WWOX: variants seen among roughly 807,000 people sequenced by gnomAD.
WWOX encodes WW domain-containing oxidoreductase.
Under a neutral mutation model 46.2 loss-of-function variants are expected in WWOX, and 69 were observed. That is an observed-to-expected ratio of 1.49 (90% CI 1.23 to 1.82). The LOEUF is 1.82. Ranked by LOEUF, WWOX falls within the 40% of genes most tolerant of loss-of-function variation. The pLI is 0.00. For synonymous variants in WWOX, 359 were observed against 202.6 expected, an observed-to-expected ratio of 1.77 and a Z score of -6.56; for missense variants, 919 against 542.6, an observed-to-expected ratio of 1.69 and a Z score of -6.89.
At chr16:78,147,253 T>G (rs916094743) in intron 4 of WWOX, among the ~76,000 whole-genome samples, 5 of 152,134 alleles carry the variant, frequency 3.3e-5, no homozygotes, top group East Asian at 1.9e-4. Flanking sequence ...TGCTTTAAAG[T>G]TTTTTACATT....
intron 8 of WWOX, among the ~76,000 whole-genome samples, chr16:79,140,312 T>G (rs1392600514): frequency 6.6e-6 from 1 of 152,184 alleles, no homozygotes; most frequent in Non-Finnish European, 1.5e-5. Context: ...CTTGCTACAT[T>G]CTTAGGCAAG....
intron 8 of WWOX, among the ~76,000 whole-genome samples, chr16:79,087,176 C>T (rs2048869167): frequency 6.6e-6 from 1 of 152,174 alleles, no homozygotes; most frequent in Admixed American, 6.5e-5. Context: ...ATGGAACAGT[C>T]TGGGGGAAAT....
intron 6 of WWOX, among the ~76,000 whole-genome samples, chr16:78,415,060 CTATAA>C (rs922007504): frequency 1.4e-5 from 2 of 148,024 alleles, no homozygotes; most frequent in African/African-American, 4.9e-5. Flanking sequence ...TATTGATTAG[CTATAA>C]TATATTTTAA....
chr16:78,420,262 T>G (rs1296570570), intron 6 of WWOX, among the ~76,000 whole-genome samples: 1 of 152,138 alleles, frequency 6.6e-6, no homozygotes, highest in Non-Finnish European at 1.5e-5. Flanking sequence ...ATCCCACTCC[T>G]AGATGTATCT....
intron 8 of WWOX, among the ~76,000 whole-genome samples, chr16:78,838,842 CAAAAGAGAAG>C (rs902954967): frequency 1.1e-4 from 17 of 152,142 alleles, no homozygotes; most frequent in Admixed American, 2.6e-4. Flanking sequence ...TACTCCATCT[CAAAAGAGAAG>C]AAAAGAGAAG....
chr16:78,586,101 A>C (rs146560996), intron 8 of WWOX, among the ~76,000 whole-genome samples: 1 of 152,166 alleles, frequency 6.6e-6, no homozygotes, highest in African/African-American at 2.4e-5. Context: ...TTATACCTGT[A>C]ATCCCAACAC....
chr16:78,885,932 T>TTG (rs201649879), intron 8 of WWOX, among the ~76,000 whole-genome samples: 3,364 of 150,912 alleles, frequency 0.022, 68 homozygotes, highest in African/African-American at 0.039. Flanking sequence ...GAATTTTTTT[T>TTG]TTTTTTTTTT....
intron 6 of WWOX, among the ~76,000 whole-genome samples, chr16:78,420,778 A>G (rs899532736): frequency 5.9e-5 from 9 of 151,904 alleles, no homozygotes; most frequent in African/African-American, 1.9e-4. Context: ...TATGTGCATT[A>G]TATTTCAGTA....
At chr16:78,290,160 C>G (rs1440400517) in intron 5 of WWOX, among the ~76,000 whole-genome samples, 1 of 152,148 alleles carries the variant, frequency 6.6e-6, no homozygotes, top group Non-Finnish European at 1.5e-5. Flanking sequence ...GGTTTCTACA[C>G]TGGAAGTGTA....
chr16:78,450,911 A>G (rs577907085), intron 8 of WWOX, among the ~76,000 whole-genome samples: 2 of 152,274 alleles, frequency 1.3e-5, no homozygotes, highest in East Asian at 1.9e-4. Flanking sequence ...AAACAATACA[A>G]TTTTCTTCTG....
intron 8 of WWOX, among the ~76,000 whole-genome samples, chr16:78,639,762 C>T (rs1386699038): frequency 1.3e-5 from 2 of 152,090 alleles, no homozygotes; most frequent in African/African-American, 4.8e-5. Flanking sequence ...GACAGGGTTT[C>T]ACCATGTTGG....
chr16:78,966,554 G>C (rs1325329735), intron 8 of WWOX, among the ~76,000 whole-genome samples: 2 of 151,374 alleles, frequency 1.3e-5, no homozygotes, highest in East Asian at 3.9e-4. Context: ...AATTTAGATT[G>C]TTTCTAAATT....
chr16:78,637,344 T>G (rs1180442617), intron 8 of WWOX, among the ~76,000 whole-genome samples: 1 of 151,522 alleles, frequency 6.6e-6, no homozygotes, highest in African/African-American at 2.4e-5. Context: ...TGGAGGCTGA[T>G]GCAGCAGAGT....
intron 8 of WWOX, among the ~76,000 whole-genome samples, chr16:78,964,383 T>C (rs1270141378): frequency 6.6e-6 from 1 of 152,164 alleles, no homozygotes; most frequent in African/African-American, 2.4e-5. Flanking sequence ...GGAGCACAGG[T>C]GACTCTTGTT....
chr16:78,378,090 C>A (rs185698345), intron 5 of WWOX, among the ~76,000 whole-genome samples: 2 of 151,994 alleles, frequency 1.3e-5, no homozygotes, highest in Admixed American at 1.3e-4. Context: ...AGCCTCTGTT[C>A]TTCAAGAATC....
At chr16:79,066,325 C>T (rs556305582) in intron 8 of WWOX, among the ~76,000 whole-genome samples, 2 of 152,204 alleles carry the variant, frequency 1.3e-5, no homozygotes, top group Non-Finnish European at 2.9e-5. Context: ...CTGCTTTACT[C>T]ATGTACTTGT....
intron 6 of WWOX, among the ~76,000 whole-genome samples, chr16:78,415,262 T>C (rs1318927071): frequency 6.6e-6 from 1 of 152,092 alleles, no homozygotes; most frequent in African/African-American, 2.4e-5. Context: ...TACACTGTCA[T>C]GGTGCTGGTG....
At chr16:78,540,551 C>G (rs1470360351) in intron 8 of WWOX, among the ~76,000 whole-genome samples, 2 of 152,158 alleles carry the variant, frequency 1.3e-5, no homozygotes, top group Non-Finnish European at 2.9e-5. Context: ...ACCAATTGCT[C>G]ATTAATGCTG....
chr16:78,160,994 C>G (rs2034773927), intron 4 of WWOX, among the ~76,000 whole-genome samples: 1 of 151,934 alleles, frequency 6.6e-6, no homozygotes, highest in Non-Finnish European at 1.5e-5. Flanking sequence ...GTCATGTATT[C>G]TTGGTGGATT....
Sources: gnomAD v4.1 joint callset for allele counts (sites outside exome capture counted in the v4.1 genomes callset) on GRCh38, gnomAD v4.1.1 for gene constraint, MANE v1.5 for transcripts, NCBI Gene and HGNC (gene_info 2026-07-23, HGNC 2026-07-21) for gene names.